Variants in MRTFA observed in about 807,000 individuals in gnomAD.
MRTFA encodes the protein myocardin-related transcription factor A.
A neutral mutation model predicts 83.5 loss-of-function variants in MRTFA; 20 were observed. The ratio of observed to expected loss-of-function variants is 0.24; its 90% CI spans 0.17 to 0.35. The LOEUF (loss-of-function observed/expected upper bound fraction) is 0.35, where lower values mean the gene tolerates loss of function less well. Among genes scored for constraint, MRTFA ranks in the 10% least tolerant of loss-of-function variants. The pLI, the probability that MRTFA is intolerant of heterozygous loss-of-function variation, is 1.00. For missense variants in MRTFA, 1,200 were observed against 1,224.7 expected (o/e 0.98, Z 0.30); for synonymous variants, 659 against 541.2 (o/e 1.22, Z -3.02).
At chr22:40,539,039 G>C (rs1210301536) in intron 3 of MRTFA, among the ~76,000 whole-genome samples, 1 of 132,644 alleles carries the variant, frequency 7.5e-6, no homozygotes, top group Non-Finnish European at 1.5e-5. Context: ...CTGCCACTCA[G>C]GCTAAAATGC....
intron 3 of MRTFA, among the ~76,000 whole-genome samples, chr22:40,514,073 C>T (rs914615056): frequency 5.9e-5 from 9 of 151,958 alleles, no homozygotes; most frequent in South Asian, 2.1e-4. Context: ...CTGGCTAATA[C>T]GGCAAAACCC....
At chr22:40,420,360 A>T (rs1047972643) in intron 11 of MRTFA, 45 bp downstream of exon 11, 1 of 1,589,030 alleles carries the variant, frequency 6.3e-7, no homozygotes, top group Non-Finnish European at 8.6e-7. Flanking sequence ...CCCCTGTGGG[A>T]AGGGCCAGGC....
Position 40,630,902 on chromosome 22 carries a change from C to A in MRTFA, c.-84+5576G>T, listed in dbSNP as rs550774904. Among the ~76,000 whole-genome samples the A allele has an allele frequency of 5.9e-5, 9 of 152,256 alleles. 1 individual carries two copies. In the East Asian group the frequency reaches 1.7e-3, roughly 29 times the overall value. On this transcript the variant is annotated intron_variant, in intron 1 of 14. Coordinates refer to ENST00000355630, the MANE Select transcript of MRTFA (RefSeq NM_020831.6). ...GAAATTCCCTCCAGGTTAACCTTGT[C>A]CCTCAAACTCAGCCACACAGGTTCT...
intron 3 of MRTFA, among the ~76,000 whole-genome samples, chr22:40,498,109 C>G (rs184754620): frequency 6.6e-6 from 1 of 151,794 alleles, no homozygotes; most frequent in Admixed American, 6.6e-5. Flanking sequence ...CACTGCACTC[C>G]AGCACCTGGG....
At chr22:40,522,982 C>T (rs1602379231) in intron 3 of MRTFA, 5 of 152,272 alleles carry the variant, frequency 3.3e-5, no homozygotes, top group South Asian at 2.1e-4. Context: ...GGGTAAGTCA[C>T]TTAACATTCT....
chr22:40,423,659 C>G lies in MRTFA; in HGVS notation c.804G>C (p.Arg268=), dbSNP rs1281449423. Residue 268 remains arginine, a synonymous_variant, in exon 9 of 15, where the codon CGG becomes CGC. Coordinates refer to ENST00000355630, the MANE Select transcript of MRTFA (RefSeq NM_020831.6). ...CCAGGAAAAGCATTTCTCTGGAATC[C>G]CGGCCCATCGGAAGTTGAGACACAA... The G allele has an allele frequency of 2.5e-6, 4 of 1,576,242 alleles. No individual in the cohort carries two copies. The highest frequency in any genetic ancestry group is 3.4e-6 in the Non-Finnish European group (4 of 1,160,320).
At chr22:40,502,029 G>T (rs1225793464) in intron 3 of MRTFA, among the ~76,000 whole-genome samples, 1 of 139,202 alleles carries the variant, frequency 7.2e-6, no homozygotes, top group African/African-American at 2.7e-5. Context: ...CCAGGCGGGG[G>T]GCTGACCCCC....
At chr22:40,497,970 C>T (rs2054384596) in intron 3 of MRTFA, among the ~76,000 whole-genome samples, 1 of 151,476 alleles carries the variant, frequency 6.6e-6, no homozygotes, top group Non-Finnish European at 1.5e-5. Context: ...TCAGTCTCTA[C>T]AAAAAAATCT....
chr22:40,499,914 C>CTTT (rs72041822), intron 3 of MRTFA, among the ~76,000 whole-genome samples: 2,480 of 84,920 alleles, frequency 0.029, 127 homozygotes, highest in African/African-American at 0.057. Flanking sequence ...TCAAGTAGAC[C>CTTT]TTTTTTTTTT....
intron 3 of MRTFA, among the ~76,000 whole-genome samples, chr22:40,467,083 C>G (rs1356010172): frequency 6.6e-6 from 1 of 152,122 alleles, no homozygotes; most frequent in Non-Finnish European, 1.5e-5. Context: ...GTTCAGTTAT[C>G]TGAAAATTCC....
At chr22:40,600,703 G>C (rs2056248697) in intron 1 of MRTFA, among the ~76,000 whole-genome samples, 3 of 152,208 alleles carry the variant, frequency 2.0e-5, no homozygotes, top group Admixed American at 2.0e-4. Context: ...ATCTTGGCTG[G>C]GCTTGGTGGC....
chr22:40,626,268 G>A (rs2056580591), intron 1 of MRTFA, among the ~76,000 whole-genome samples: 1 of 151,146 alleles, frequency 6.6e-6, no homozygotes, highest in South Asian at 2.1e-4. Flanking sequence ...TACAGGCATG[G>A]GCTACCATGC....
intron 4 of MRTFA, among the ~76,000 whole-genome samples, chr22:40,442,048 T>C (rs941899618): frequency 6.6e-6 from 1 of 152,126 alleles, no homozygotes; most frequent in Non-Finnish European, 1.5e-5. Context: ...AGCCAACACT[T>C]TTCCCTTGCC....
chr22:40,457,502 GAGAA>G (rs1303059112), intron 4 of MRTFA, among the ~76,000 whole-genome samples: 4 of 143,760 alleles, frequency 2.8e-5, no homozygotes, highest in South Asian at 2.3e-4. Flanking sequence ...AAGAAAGAAA[GAGAA>G]AGAAAGAAAA....
chr22:40,438,863 G>C lies in MRTFA; in HGVS notation c.308-3309C>G, dbSNP rs558069856. Among the ~76,000 whole-genome samples, 4 of 152,240 alleles carry C rather than the reference G, an allele frequency of 2.6e-5. No homozygotes were observed. In the South Asian group the frequency reaches 8.3e-4, roughly 32 times the overall value. On this transcript the variant is annotated intron_variant, in intron 4 of 14. Transcript: ENST00000355630. ...CTTGGCACGTGTTCCTCAGGAATAAGGAAGGATTACTCTATATGAATTCCT... is the reference window on the plus strand; with the variant it reads ...CTTGGCACGTGTTCCTCAGGAATAACGAAGGATTACTCTATATGAATTCCT...
At chr22:40,446,276 A>AT (rs994229825) in intron 4 of MRTFA, among the ~76,000 whole-genome samples, 2 of 152,212 alleles carry the variant, frequency 1.3e-5, no homozygotes, top group East Asian at 1.9e-4. Flanking sequence ...TACAAAATTG[A>AT]TTTTTTCAAT....
chr22:40,585,784 G>A (rs2056019264), intron 2 of MRTFA, among the ~76,000 whole-genome samples: 1 of 152,196 alleles, frequency 6.6e-6, no homozygotes, highest in African/African-American at 2.4e-5. Context: ...CAATAGTTGA[G>A]CAGAGAGATA....
At chr22:40,466,969 G>GTATATA (rs3044527) in intron 3 of MRTFA, among the ~76,000 whole-genome samples, 5 of 150,008 alleles carry the variant, frequency 3.3e-5, no homozygotes, top group African/African-American at 9.8e-5. Context: ...TATTATGCAT[G>GTATATA]TATATATATA....
At chr22:40,556,795 T>G (rs73169024) in intron 2 of MRTFA, among the ~76,000 whole-genome samples, 2,218 of 152,318 alleles carry the variant, frequency 0.015, 27 homozygotes, top group Non-Finnish European at 0.023. Context: ...TGAGTATTCT[T>G]TGTCATTGAC....
Sources: allele counts gnomAD v4.1 joint callset (sites outside exome capture counted in the v4.1 genomes callset), GRCh38; gene constraint gnomAD v4.1.1; transcripts MANE v1.5; gene names NCBI Gene and HGNC (gene_info 2026-07-23, HGNC 2026-07-21).